SYT2: variants seen among roughly 807,000 people sequenced by gnomAD.
The protein encoded by SYT2 is synaptotagmin 2.
A neutral mutation model predicts 39.9 loss-of-function variants in SYT2; 15 were observed. That is an observed-to-expected ratio of 0.38 (90% CI 0.25 to 0.58). The LOEUF is 0.58. SYT2 is among the 20% of genes least tolerant of loss of function. The probability of loss-of-function intolerance (pLI) is 0.70; values close to 1 mark genes in which losing one functional copy is unlikely to be tolerated. For synonymous variants in SYT2, 181 were observed against 204.5 expected (o/e 0.89, Z 0.98); for missense variants, 389 against 530.3 (o/e 0.73, Z 2.62).
At chr1:202,613,578 T>C (rs183803025) in intron 1 of SYT2, among the ~76,000 whole-genome samples, 90 of 152,346 alleles carry the variant, frequency 5.9e-4, no homozygotes, top group Admixed American at 5.4e-3. Context: ...GTCTTTTTCC[T>C]GATCTTTGGG....
intron 1 of SYT2, among the ~76,000 whole-genome samples, chr1:202,607,821 A>AG (rs1438717269): frequency 6.6e-6 from 1 of 152,148 alleles, no homozygotes; most frequent in Admixed American, 6.5e-5. Flanking sequence ...ATGTGTGTCC[A>AG]GGGCCTTCCG....
In SYT2 at chr1:202,689,820, C is replaced by A. The variant is rs113824897; in HGVS notation, c.-18+20438G>T. Among the ~76,000 whole-genome samples the A allele has an allele frequency of 6.9e-3, 1,053 of 151,972 alleles. 10 individuals are homozygous for A. Among genetic ancestry groups the A allele is most frequent in the African/African-American group, 0.024 (985 of 41,392 alleles). ...ATGTTGGGCAGTGTAGACACCCCCACAAGGTAGGTAAGTCAGGTCCCGGAA... is the reference window on the plus strand; with the variant it reads ...ATGTTGGGCAGTGTAGACACCCCCAAAAGGTAGGTAAGTCAGGTCCCGGAA... On this transcript the variant is annotated intron_variant, in intron 1 of 8. Coordinates refer to ENST00000367268, the MANE Select transcript of SYT2 (RefSeq NM_177402.5).
At chr1:202,621,752 T>G (rs1338697483) in intron 1 of SYT2, among the ~76,000 whole-genome samples, 1 of 152,184 alleles carries the variant, frequency 6.6e-6, no homozygotes, top group Admixed American at 6.5e-5. Flanking sequence ...GGCTCTCACC[T>G]TGCCTCTCTT....
At chr1:202,643,914 G>T (rs1386172250) in intron 1 of SYT2, among the ~76,000 whole-genome samples, 1 of 152,236 alleles carries the variant, frequency 6.6e-6, no homozygotes, top group African/African-American at 2.4e-5. Context: ...TCGGTTCGGG[G>T]GATTAGCTGG....
intron 1 of SYT2, among the ~76,000 whole-genome samples, chr1:202,670,072 C>T (rs1170308064): frequency 6.6e-6 from 1 of 152,172 alleles, no homozygotes; most frequent in Non-Finnish European, 1.5e-5. Context: ...GGAAGGAGGG[C>T]TTGTGGCAAC....
intron 1 of SYT2, chr1:202,643,227 C>T (rs1281089813): frequency 2.6e-5 from 4 of 151,754 alleles, no homozygotes; most frequent in Non-Finnish European, 5.9e-5. Flanking sequence ...CGGCTTCGCT[C>T]GGGACTACTG....
chr1:202,651,104 G>T (rs1692184619), intron 1 of SYT2, among the ~76,000 whole-genome samples: 1 of 152,118 alleles, frequency 6.6e-6, no homozygotes, highest in Non-Finnish European at 1.5e-5. Flanking sequence ...CTTGAAGCAG[G>T]GAGCTGGCAG....
At chr1:202,671,792 A>G (rs1169821008) in intron 1 of SYT2, among the ~76,000 whole-genome samples, 1 of 152,256 alleles carries the variant, frequency 6.6e-6, no homozygotes, top group Non-Finnish European at 1.5e-5. Context: ...TGAAAACTTA[A>G]GCCCTGAACT....
Position 202,671,318 on chromosome 1 carries a change from C to T in SYT2, c.-18+38940G>A, listed in dbSNP as rs370490218. Among the ~76,000 whole-genome samples the T allele has an allele frequency of 2.1e-3, 319 of 152,334 alleles. 2 individuals are homozygous for T. The highest frequency in any genetic ancestry group is 5.6e-3 in the African/African-American group (232 of 41,564). On this transcript the variant is annotated intron_variant, in intron 1 of 8. Coordinates refer to ENST00000367268, the MANE Select transcript of SYT2 (RefSeq NM_177402.5). Reference sequence around the variant, plus strand: ...CTGCCTGCCTGGGACAAGCTCATGGCGGTGGAGGCCAGTCCCCAGCACAGC... The same window carrying T: ...CTGCCTGCCTGGGACAAGCTCATGGTGGTGGAGGCCAGTCCCCAGCACAGC...
chr1:202,710,103 C>A lies in SYT2; in HGVS notation c.-18+155G>T, dbSNP rs1238613693. Among the ~76,000 whole-genome samples the A allele has an allele frequency of 4.6e-5, 7 of 152,118 alleles. No homozygotes were observed. In the East Asian group the frequency reaches 1.2e-3, roughly 25 times the overall value. Reference sequence around the variant, plus strand: ...GACGCTTCCAAACTCCCCCAAAGGACGGGGCAGACTCCCGGCCCCCTTGGC... The same window carrying A: ...GACGCTTCCAAACTCCCCCAAAGGAAGGGGCAGACTCCCGGCCCCCTTGGC... On this transcript the variant is annotated intron_variant, in intron 1 of 8. Transcript: ENST00000367268.
intron 1 of SYT2, among the ~76,000 whole-genome samples, chr1:202,672,844 A>G (rs56321843): frequency 0.21 from 28,574 of 138,170 alleles, 3,899 homozygotes; most frequent in East Asian, 0.36. Flanking sequence ...AGACCTGATA[A>G]AATATATCAA....
chr1:202,613,411 G>T (rs539388251), intron 1 of SYT2, among the ~76,000 whole-genome samples: 99 of 151,788 alleles, frequency 6.5e-4, no homozygotes, highest in Non-Finnish European at 4.0e-4. Flanking sequence ...ATTTGTGTGT[G>T]TGTGCATGTG....
intron 1 of SYT2, among the ~76,000 whole-genome samples, chr1:202,686,678 C>A (rs774355578): frequency 6.6e-6 from 1 of 152,128 alleles, no homozygotes; most frequent in African/African-American, 2.4e-5. Flanking sequence ...CCAGTTCCCA[C>A]CCTCTGTCAT....
chr1:202,602,883 T>C, intron 4 of SYT2, 116 bp downstream of exon 4: 1 of 1,321,088 alleles, frequency 7.6e-7, no homozygotes, highest in Non-Finnish European at 1.1e-6. Flanking sequence ...CCTGCCTCAT[T>C]CTATGGAAAG....
chr1:202,695,900 G>A (rs1475080241), intron 1 of SYT2, among the ~76,000 whole-genome samples: 1 of 152,208 alleles, frequency 6.6e-6, no homozygotes, highest in Non-Finnish European at 1.5e-5. Flanking sequence ...CATCTGCCAT[G>A]TGCACTCCTC....
At chr1:202,597,728 G>C (rs1473624955) in intron 8 of SYT2, among the ~76,000 whole-genome samples, 4 of 152,178 alleles carry the variant, frequency 2.6e-5, no homozygotes. Flanking sequence ...TACTGGAGGA[G>C]GAGTGGGCCT....
At chr1:202,660,898 TC>T (rs1692364036) in intron 1 of SYT2, among the ~76,000 whole-genome samples, 1 of 152,136 alleles carries the variant, frequency 6.6e-6, no homozygotes, top group African/African-American at 2.4e-5. Context: ...GCAAGCTTCG[TC>T]TCCCCCAGCC....
chr1:202,683,391 C>T (rs1653574860), intron 1 of SYT2, among the ~76,000 whole-genome samples: 1 of 152,154 alleles, frequency 6.6e-6, no homozygotes, highest in African/African-American at 2.4e-5. Context: ...TAACTACATG[C>T]AACAACAGGG....
At chr1:202,668,296 T>A (rs1349641699) in intron 1 of SYT2, among the ~76,000 whole-genome samples, 6 of 152,304 alleles carry the variant, frequency 3.9e-5, no homozygotes, top group Non-Finnish European at 8.8e-5. Context: ...CTGCTTCAAG[T>A]CTTTTTTTCA....
Sources: gnomAD v4.1 joint callset for allele counts (sites outside exome capture counted in the v4.1 genomes callset) on GRCh38, gnomAD v4.1.1 for gene constraint, MANE v1.5 for transcripts, NCBI Gene and HGNC (gene_info 2026-07-23, HGNC 2026-07-21) for gene names.